Variants in TMEM232 observed in about 807,000 individuals in gnomAD.
TMEM232 encodes transmembrane protein 232.
A neutral mutation model predicts 78.8 loss-of-function variants in TMEM232; 80 were observed. The ratio of observed to expected loss-of-function variants is 1.01; its 90% CI spans 0.85 to 1.22. The LOEUF (loss-of-function observed/expected upper bound fraction) is 1.22, where lower values mean the gene tolerates loss of function less well. Ranked by LOEUF, TMEM232 falls within the 50% of genes most tolerant of loss-of-function variation. The pLI, the probability that TMEM232 is intolerant of heterozygous loss-of-function variation, is 0.00. For synonymous variants in TMEM232, 297 were observed against 254.3 expected (o/e 1.17, Z -1.60); for missense variants, 881 against 742.2 (o/e 1.19, Z -2.17).
intron 1 of TMEM232, among the ~76,000 whole-genome samples, chr5:110,696,494 G>GA: frequency 6.6e-6 from 1 of 151,992 alleles, no homozygotes; most frequent in Non-Finnish European, 1.5e-5. Context: ...ATTCAATTAG[G>GA]AAAAAAGGAA....
intron 8 of TMEM232, among the ~76,000 whole-genome samples, chr5:110,616,234 G>T (rs1417951077): frequency 2.6e-5 from 4 of 151,900 alleles, no homozygotes; most frequent in Non-Finnish European, 5.9e-5. Flanking sequence ...TTTGCCAAAT[G>T]GACAGAATAG....
At chr5:110,729,353 C>T (rs529050846), upstream of TMEM232, among the ~76,000 whole-genome samples, 33 of 152,186 alleles carry the variant, frequency 2.2e-4, no homozygotes, top group Non-Finnish European at 4.4e-4. Flanking sequence ...GCCACAAACT[C>T]ACACAAACGC....
chr5:110,631,220 C>G (rs183046722), intron 5 of TMEM232, among the ~76,000 whole-genome samples: 25 of 152,234 alleles, frequency 1.6e-4, no homozygotes, highest in Admixed American at 7.2e-4. Context: ...GATGGTGCAG[C>G]GCATTAACAT....
intron 4 of TMEM232, among the ~76,000 whole-genome samples, chr5:110,390,117 G>A (rs76732241): frequency 2.6e-5 from 4 of 151,984 alleles, no homozygotes; most frequent in Non-Finnish European, 4.4e-5. Context: ...ATAACCAATT[G>A]AGCTTTTTAT....
chr5:110,392,746 T>G (rs1040701098), intron 3 of TMEM232, among the ~76,000 whole-genome samples: 18 of 152,310 alleles, frequency 1.2e-4, no homozygotes, highest in African/African-American at 4.3e-4. Flanking sequence ...TATTGTGGGT[T>G]AGGGATTCAA....
chr5:110,690,370 A>C (rs1050223588), intron 1 of TMEM232, among the ~76,000 whole-genome samples: 2 of 152,218 alleles, frequency 1.3e-5, no homozygotes, highest in African/African-American at 4.8e-5. Context: ...AACATACGAA[A>C]AAAGGCTCAT....
chr5:110,492,532 C>T (rs1407622175), intron 12 of TMEM232, among the ~76,000 whole-genome samples: 1 of 151,874 alleles, frequency 6.6e-6, no homozygotes, highest in Non-Finnish European at 1.5e-5. Flanking sequence ...ACTTCATATT[C>T]TGACAAATCA....
chr5:110,440,389 C>T (rs1433765519), intron 12 of TMEM232, among the ~76,000 whole-genome samples: 1 of 152,030 alleles, frequency 6.6e-6, no homozygotes, highest in Non-Finnish European at 1.5e-5. Context: ...GTTCTTTTTC[C>T]TTGATTTATC....
chr5:110,455,557 T>C (rs1025159386), intron 12 of TMEM232, among the ~76,000 whole-genome samples: 1 of 151,904 alleles, frequency 6.6e-6, no homozygotes, highest in Non-Finnish European at 1.5e-5. Flanking sequence ...TTTTTGTATT[T>C]TTAATAAAGA....
intron 12 of TMEM232, among the ~76,000 whole-genome samples, chr5:110,458,745 A>C (rs1361249753): frequency 1.3e-5 from 2 of 152,218 alleles, no homozygotes; most frequent in Admixed American, 6.5e-5. Context: ...TAAGCTTAAA[A>C]AATATTTTTA....
chr5:110,667,133 G>A (rs1790696335), intron 2 of TMEM232, 95 bp downstream of exon 2: 3 of 997,216 alleles, frequency 3.0e-6, no homozygotes, highest in Non-Finnish European at 4.3e-6. Context: ...TTAATCTTTG[G>A]TTAGAGAACT....
At chr5:110,396,381 C>T (rs1209834900) in intron 3 of TMEM232, among the ~76,000 whole-genome samples, 10 of 152,126 alleles carry the variant, frequency 6.6e-5, no homozygotes, top group African/African-American at 1.2e-4. Context: ...TAGATATTCA[C>T]CTGGGAGGAA....
intron 10 of TMEM232, among the ~76,000 whole-genome samples, chr5:110,591,971 G>A (rs769076361): frequency 2.6e-5 from 4 of 152,050 alleles, no homozygotes; most frequent in Non-Finnish European, 4.4e-5. Flanking sequence ...CTGTGGTCCT[G>A]TGGAACTGGG....
downstream of TMEM232, among the ~76,000 whole-genome samples, chr5:110,416,743 T>G (rs1378128776): frequency 6.6e-6 from 1 of 152,216 alleles, no homozygotes; most frequent in African/African-American, 2.4e-5. Flanking sequence ...TTGGTAAACA[T>G]CACTATAGTT....
intron 12 of TMEM232, among the ~76,000 whole-genome samples, chr5:110,464,293 A>C (rs1343994635): frequency 6.6e-6 from 1 of 152,224 alleles, no homozygotes; most frequent in African/African-American, 2.4e-5. Flanking sequence ...AACAAAAGCT[A>C]CAAAATAAAG....
downstream of TMEM232, chr5:110,417,618 C>CTTTTTTTTTTTTTTTTT (rs1181888424): frequency 1.7e-5 from 2 of 119,290 alleles, no homozygotes; most frequent in Non-Finnish European, 3.6e-5. Flanking sequence ...TTTTCTTTTT[C>CTTTTTTTTTTTTTTTTT]TTTTTTTTTT....
At chr5:110,474,581 C>T (rs1485402553) in intron 12 of TMEM232, among the ~76,000 whole-genome samples, 1 of 151,756 alleles carries the variant, frequency 6.6e-6, no homozygotes, top group Non-Finnish European at 1.5e-5. Context: ...AAGGCAAGGA[C>T]ATAAAAGGCA....
At chr5:110,605,480 TA>T (rs1254737304) in intron 9 of TMEM232, 122 bp from the exon 10 acceptor site, 4 of 1,174,962 alleles carry the variant, frequency 3.4e-6, no homozygotes, top group South Asian at 4.2e-5. Context: ...ATGTGTTCAT[TA>T]AAAAATGGGT....
At chr5:110,556,463 C>A (rs539476877) in intron 11 of TMEM232, among the ~76,000 whole-genome samples, 11 of 152,072 alleles carry the variant, frequency 7.2e-5, no homozygotes, top group African/African-American at 2.7e-4. Flanking sequence ...TCTTGGCTCA[C>A]TGCAACCTCT....
Sources: allele counts gnomAD v4.1 joint callset (sites outside exome capture counted in the v4.1 genomes callset), GRCh38; gene constraint gnomAD v4.1.1; transcripts MANE v1.5; gene names NCBI Gene and HGNC (gene_info 2026-07-23, HGNC 2026-07-21).